The following SGCZ variants were observed in gnomAD, a reference collection of about 807,000 sequenced individuals.
SGCZ encodes sarcoglycan zeta.
SGCZ carries 40 observed loss-of-function variants against 41.3 expected under a neutral mutation model. The observed-to-expected ratio is 0.97, with a 90% CI of 0.75 to 1.26. SGCZ has a LOEUF of 1.26. Ranked by LOEUF, SGCZ falls within the 50% of genes most tolerant of loss-of-function variation. The pLI is 0.00. For missense variants in SGCZ, 552 were observed against 369.8 expected (o/e 1.49, Z -4.04); for synonymous variants, 206 against 137.5 (o/e 1.50, Z -3.49).
intron 1 of SGCZ, among the ~76,000 whole-genome samples, chr8:14,893,085 G>C (rs1191799281): frequency 6.6e-6 from 1 of 152,142 alleles, no homozygotes; most frequent in African/African-American, 2.4e-5. Context: ...ATTAAGTGAG[G>C]GTCCATGAGA....
intron 1 of SGCZ, among the ~76,000 whole-genome samples, chr8:14,719,862 G>T (rs148335510): frequency 0.31 from 46,485 of 151,714 alleles, 7,776 homozygotes; most frequent in East Asian, 0.43. Context: ...AGTTTAATGA[G>T]ATCCCATTTG....
intron 1 of SGCZ, among the ~76,000 whole-genome samples, chr8:14,642,279 T>A (rs1807051151): frequency 6.6e-6 from 1 of 151,616 alleles, no homozygotes; most frequent in Non-Finnish European, 1.5e-5. Flanking sequence ...AATATCATTA[T>A]TATTTCTATT....
chr8:14,573,434 C>T (rs545345910), intron 1 of SGCZ, among the ~76,000 whole-genome samples: 189 of 151,862 alleles, frequency 1.2e-3, no homozygotes, highest in African/African-American at 4.4e-3. Flanking sequence ...GTGATCCGCC[C>T]GCCTCGGCCT....
At chr8:14,092,806 C>A (rs573618414) in intron 7 of SGCZ, among the ~76,000 whole-genome samples, 1 of 152,086 alleles carries the variant, frequency 6.6e-6, no homozygotes, top group South Asian at 2.1e-4. Context: ...ATTACCCAGT[C>A]TCGGGTATGT....
chr8:15,163,229 T>C (rs1332304351), intron 1 of SGCZ, among the ~76,000 whole-genome samples: 2 of 152,216 alleles, frequency 1.3e-5, no homozygotes, highest in Non-Finnish European at 2.9e-5. Flanking sequence ...CGGCCACCGT[T>C]TTAAACACTT....
chr8:14,289,917 A>C (rs1219328937), intron 3 of SGCZ, among the ~76,000 whole-genome samples: 1 of 152,022 alleles, frequency 6.6e-6, no homozygotes, highest in South Asian at 2.1e-4. Flanking sequence ...ATACCAGAAC[A>C]TGAAGGAAAA....
chr8:14,523,031 A>T (rs1300511953), intron 2 of SGCZ, among the ~76,000 whole-genome samples: 1 of 151,910 alleles, frequency 6.6e-6, no homozygotes, highest in Non-Finnish European at 1.5e-5. Context: ...ACATTCTACT[A>T]CTGTCAGTAT....
At chr8:15,020,053 G>C (rs1352534970) in intron 1 of SGCZ, among the ~76,000 whole-genome samples, 1 of 151,698 alleles carries the variant, frequency 6.6e-6, no homozygotes, top group African/African-American at 2.4e-5. Flanking sequence ...AACCAAAATG[G>C]ATTATAGCAT....
In SGCZ at chr8:15,086,277, T is replaced by G. The variant is rs76476122; in HGVS notation, c.39+151308A>C. ...CTGTGTTCAGAAATCAGGAAAATAT[T>G]CTTGCATACTCCGAAAACTACAACG... is the stretch of plus-strand genomic sequence containing the variant. On this transcript the variant is annotated intron_variant, in intron 1 of 7. Coordinates refer to ENST00000382080, the MANE Select transcript of SGCZ (RefSeq NM_139167.4). Among the ~76,000 whole-genome samples the G allele has an allele frequency of 1.7e-3, 258 of 152,310 alleles. 5 individuals are homozygous for G. In the East Asian group the frequency reaches 0.045, roughly 27 times the overall value.
At chr8:14,276,621 T>C (rs1024981673) in intron 3 of SGCZ, among the ~76,000 whole-genome samples, 27 of 152,194 alleles carry the variant, frequency 1.8e-4, no homozygotes, top group African/African-American at 6.5e-4. Context: ...CTTGGACTGT[T>C]CTAAAAAATC....
At chr8:14,887,071 G>T (rs1229471634) in intron 1 of SGCZ, among the ~76,000 whole-genome samples, 2 of 152,130 alleles carry the variant, frequency 1.3e-5, no homozygotes, top group Non-Finnish European at 2.9e-5. Flanking sequence ...AGAGGAACAG[G>T]TTGAAGGAGG....
intron 1 of SGCZ, among the ~76,000 whole-genome samples, chr8:14,608,294 ATTTG>A (rs1448823032): frequency 6.6e-6 from 1 of 150,550 alleles, no homozygotes; most frequent in Non-Finnish European, 1.5e-5. Flanking sequence ...ATACAAGTGT[ATTTG>A]TTTGTTTTGA....
chr8:14,656,027 C>G (rs904305191), intron 1 of SGCZ, among the ~76,000 whole-genome samples: 1 of 152,056 alleles, frequency 6.6e-6, no homozygotes, highest in Non-Finnish European at 1.5e-5. Context: ...AGGGTTGCTT[C>G]CAGTTTGAGC....
intron 5 of SGCZ, among the ~76,000 whole-genome samples, chr8:14,144,263 T>G (rs974654304): frequency 6.6e-6 from 1 of 152,154 alleles, no homozygotes; most frequent in Non-Finnish European, 1.5e-5. Flanking sequence ...AGTGGATACT[T>G]TGGACATCTT....
intron 1 of SGCZ, among the ~76,000 whole-genome samples, chr8:14,916,850 A>G (rs991674384): frequency 6.6e-6 from 1 of 152,154 alleles, no homozygotes; most frequent in Non-Finnish European, 1.5e-5. Context: ...ATAGACGCAT[A>G]GTTATTTTTT....
chr8:14,667,901 A>G (rs1346948589), intron 1 of SGCZ, among the ~76,000 whole-genome samples: 1 of 152,170 alleles, frequency 6.6e-6, no homozygotes, highest in African/African-American at 2.4e-5. Flanking sequence ...TTAGATACCT[A>G]GAGTTTACAA....
intron 3 of SGCZ, among the ~76,000 whole-genome samples, chr8:14,280,089 G>C (rs1236307100): frequency 6.6e-6 from 1 of 151,884 alleles, no homozygotes; most frequent in Non-Finnish European, 1.5e-5. Context: ...GATTAAGTTT[G>C]AATTAGGAGG....
chr8:14,607,753 G>T (rs554033103), intron 1 of SGCZ, among the ~76,000 whole-genome samples: 1 of 152,146 alleles, frequency 6.6e-6, no homozygotes, highest in African/African-American at 2.4e-5. Context: ...AGAGGAACAA[G>T]GTTTTCAGCT....
At chr8:14,995,847 T>C (rs921393961) in intron 1 of SGCZ, among the ~76,000 whole-genome samples, 2 of 152,182 alleles carry the variant, frequency 1.3e-5, no homozygotes, top group African/African-American at 4.8e-5. Flanking sequence ...CAGAGTTACA[T>C]TGTAATCCTA....
Sources: gnomAD v4.1 joint callset for allele counts (sites outside exome capture counted in the v4.1 genomes callset) on GRCh38, gnomAD v4.1.1 for gene constraint, MANE v1.5 for transcripts, NCBI Gene and HGNC (gene_info 2026-07-23, HGNC 2026-07-21) for gene names.